ANO2: variants seen among roughly 807,000 people sequenced by gnomAD.
ANO2 encodes anoctamin-2.
A neutral mutation model predicts 124.2 loss-of-function variants in ANO2; 101 were observed. The ratio of observed to expected loss-of-function variants is 0.81; its 90% CI spans 0.69 to 0.96. The LOEUF is 0.96. ANO2 is among the 40% of genes least tolerant of loss of function. The probability of loss-of-function intolerance (pLI) is 0.00; values close to 1 mark genes in which losing one functional copy is unlikely to be tolerated. For missense variants in ANO2, 1,293 were observed against 1,274.5 expected (o/e 1.01, Z -0.22); for synonymous variants, 486 against 482.5 (o/e 1.01, Z -0.09).
At chr12:5,692,307 G>A (rs1013011791) in intron 14 of ANO2, among the ~76,000 whole-genome samples, 2 of 151,988 alleles carry the variant, frequency 1.3e-5, no homozygotes, top group East Asian at 1.9e-4. Context: ...TGACTCCTAC[G>A]TTTTCGTCCT....
At chr12:5,708,959 G>T (rs1355038338) in intron 14 of ANO2, among the ~76,000 whole-genome samples, 6 of 152,162 alleles carry the variant, frequency 3.9e-5, no homozygotes, top group African/African-American at 1.4e-4. Context: ...CTTTCCCATG[G>T]ACTGTAAGCT....
intron 19 of ANO2, among the ~76,000 whole-genome samples, chr12:5,612,309 C>T (rs544025696): frequency 6.6e-6 from 1 of 152,298 alleles, no homozygotes; most frequent in South Asian, 2.1e-4. Flanking sequence ...CAATAATTCA[C>T]ATTCATCTAT....
chr12:5,831,192 C>A (rs1226366049), intron 5 of ANO2, among the ~76,000 whole-genome samples: 1 of 152,144 alleles, frequency 6.6e-6, no homozygotes, highest in African/African-American at 2.4e-5. Context: ...CCCAGGAGCC[C>A]CAGTCACTGG....
intron 17 of ANO2, among the ~76,000 whole-genome samples, chr12:5,614,572 CTA>C (rs1197369441): frequency 6.6e-6 from 1 of 152,206 alleles, no homozygotes; most frequent in African/African-American, 2.4e-5. Context: ...AAACCTGGCT[CTA>C]TATGTCTCTT....
Position 5,658,417 on chromosome 12 carries a change from C to T in ANO2, c.1546-10616G>A, listed in dbSNP as rs887440459. Among the ~76,000 whole-genome samples the T allele has an allele frequency of 6.6e-6, 1 of 151,672 alleles. No homozygotes were observed. Among genetic ancestry groups the T allele is most frequent in the Non-Finnish European group, 1.5e-5 (1 of 67,936 alleles). On this transcript the variant is annotated intron_variant, in intron 14 of 24. Transcript: ENST00000682330. The surrounding 1 kb of genome is among the most constrained non-coding windows in gnomAD (Gnocchi z 4.3). Reference sequence around the variant, plus strand: ...TCATCATCGTCATTGTTATCATCATCATAACCATACCATCAAAATTAACAT... The same window carrying T: ...TCATCATCGTCATTGTTATCATCATTATAACCATACCATCAAAATTAACAT...
chr12:5,566,929 A>T (rs950842505), intron 23 of ANO2, among the ~76,000 whole-genome samples: 6 of 152,168 alleles, frequency 3.9e-5, no homozygotes, highest in Admixed American at 3.9e-4. Flanking sequence ...TCCTGCCATA[A>T]ATGAATTAGC....
intron 15 of ANO2, among the ~76,000 whole-genome samples, chr12:5,638,280 G>A (rs1946138733): frequency 7.0e-6 from 1 of 142,666 alleles, no homozygotes; most frequent in Non-Finnish European, 1.5e-5. Flanking sequence ...CCGTCACCCA[G>A]GTTGGAGTGC....
In ANO2 at chr12:5,596,150, G is replaced by A. The variant is rs79931364; in HGVS notation, c.2233+3334C>T. On this transcript the variant is annotated intron_variant, in intron 20 of 24. Transcript: ENST00000682330. ...AGCACTTTGGGAGGCCGAGGCAGGAGGATTGCTTGAGGCCAGGAGCTCAAG... is the reference window on the plus strand; with the variant it reads ...AGCACTTTGGGAGGCCGAGGCAGGAAGATTGCTTGAGGCCAGGAGCTCAAG... 8.4e-3 allele frequency among the ~76,000 whole-genome samples: 1,278 copies of A among 152,272 alleles called. 59 individuals carry two copies. Among genetic ancestry groups the A allele is most frequent in the Admixed American group, 0.064 (980 of 15,294 alleles).
In ANO2 at chr12:5,656,958, G is replaced by T. The variant is rs145909917; in HGVS notation, c.1546-9157C>A. 2.1e-3 allele frequency among the ~76,000 whole-genome samples: 315 copies of T among 152,330 alleles called. 1 individual carries two copies. Among genetic ancestry groups the T allele is most frequent in the African/African-American group, 7.0e-3 (291 of 41,572 alleles). On this transcript the variant is annotated intron_variant, in intron 14 of 24. Coordinates refer to ENST00000682330, the MANE Select transcript of ANO2 (RefSeq NM_001364791.2). ...GACAGGGGACCCAGACATTGCAGCA[G>T]GCCGAGGTCATCTACGGATTGGGAG...
chr12:5,661,449 G>A (rs1263817081), intron 14 of ANO2, among the ~76,000 whole-genome samples: 1 of 152,176 alleles, frequency 6.6e-6, no homozygotes, highest in Non-Finnish European at 1.5e-5. Context: ...GTTCCTGTCT[G>A]TATCAACTCC....
In ANO2 at chr12:5,769,016, G is replaced by A. The variant is rs555286036; in HGVS notation, c.1056-18046C>T. Among the ~76,000 whole-genome samples the A allele has an allele frequency of 1.3e-5, 2 of 152,308 alleles. No individual in the cohort carries two copies. The highest frequency in any genetic ancestry group is 4.1e-4 in the South Asian group (2 of 4,820). The stretch of plus-strand genomic sequence containing the variant: ...GGGCTGGGCTCGGGATGGCAGCGCT[G>A]TGGAAGCTGGGCTTAGCTTATGTCC... On this transcript the variant is annotated intron_variant, in intron 10 of 24. Transcript: ENST00000682330. This position sits in a 1 kb window ranked among gnomAD's most constrained non-coding sequence, Gnocchi z 4.0.
chr12:5,676,184 T>C (rs915056106), intron 14 of ANO2, among the ~76,000 whole-genome samples: 1 of 152,206 alleles, frequency 6.6e-6, no homozygotes, highest in Non-Finnish European at 1.5e-5. Context: ...AGATGTTCTC[T>C]GGGCACCCAG....
At chr12:5,654,917 G>A (rs1947082773) in intron 14 of ANO2, among the ~76,000 whole-genome samples, 1 of 152,112 alleles carries the variant, frequency 6.6e-6, no homozygotes, top group Admixed American at 6.5e-5. Flanking sequence ...AATAAGATAA[G>A]GGATCCTGAG....
intron 7 of ANO2, among the ~76,000 whole-genome samples, chr12:5,816,959 T>A (rs955527202): frequency 6.6e-6 from 1 of 152,208 alleles, no homozygotes; most frequent in African/African-American, 2.4e-5. Flanking sequence ...CAGGTGCTCA[T>A]TAAATGTTTT....
At chr12:5,919,202 T>C (rs1941552752) in intron 3 of ANO2, among the ~76,000 whole-genome samples, 1 of 152,026 alleles carries the variant, frequency 6.6e-6, no homozygotes, top group Non-Finnish European at 1.5e-5. Context: ...TTGGCTAGGA[T>C]GGTCAGGGAA....
At chr12:5,939,417 G>A (rs1410812709) in intron 1 of ANO2, among the ~76,000 whole-genome samples, 2 of 152,072 alleles carry the variant, frequency 1.3e-5, no homozygotes, top group East Asian at 3.9e-4. Flanking sequence ...GTGTCAGGCT[G>A]CAGTAAGGAT....
chr12:5,692,109 A>G (rs1185806717), intron 14 of ANO2, among the ~76,000 whole-genome samples: 1 of 152,168 alleles, frequency 6.6e-6, no homozygotes, highest in African/African-American at 2.4e-5. Context: ...TAAGGGAATG[A>G]GGCTCCAGAT....
Position 5,636,837 on chromosome 12 carries a change from G to T in ANO2, c.1621-1490C>A, listed in dbSNP as rs1219771665. ...TATGGATGTTTTCAGACCTCTGGGG[G>T]GTACCTGGGGTGTGCTGGTGGCAGA... On this transcript the variant is annotated intron_variant, in intron 15 of 24. Transcript: ENST00000682330. The surrounding 1 kb of genome is among the most constrained non-coding windows in gnomAD (Gnocchi z 4.6). Among the ~76,000 whole-genome samples, 1 of 152,082 alleles carries T rather than the reference G, an allele frequency of 6.6e-6. No individual in the cohort carries two copies. Among genetic ancestry groups the T allele is most frequent in the Admixed American group, 6.5e-5 (1 of 15,280 alleles).
At position 5,732,626 on chromosome 12, in the gene ANO2, T is replaced by C; in HGVS notation, c.1439A>G (p.His480Arg). ...DLTGIEEEEE[H>R]SRPEYETKVR... Reference sequence around the variant, plus strand: ...TTTGGTTTCATACTCAGGCCTGGAATGTTCCTAAACCAAAGAGCAGTGAGT... The same window carrying C: ...TTTGGTTTCATACTCAGGCCTGGAACGTTCCTAAACCAAAGAGCAGTGAGT... The change falls in exon 14 of 25, where the codon CAT becomes CGT. Residue 480 changes from histidine (H) to arginine (R), a missense_variant. Coordinates refer to ENST00000682330, the MANE Select transcript of ANO2 (RefSeq NM_001364791.2). 2.5e-6 allele frequency: 4 copies of C among 1,613,102 alleles called. No individual in the cohort carries two copies. Among genetic ancestry groups the C allele is most frequent in the Non-Finnish European group, 3.4e-6 (4 of 1,179,338 alleles).
Sources: allele counts gnomAD v4.1 joint callset (sites outside exome capture counted in the v4.1 genomes callset), GRCh38; gene constraint gnomAD v4.1.1; non-coding constraint Gnocchi (gnomAD v3.1); transcripts MANE v1.5; gene names NCBI Gene and HGNC (gene_info 2026-07-23, HGNC 2026-07-21).